Variants in KIZ observed in about 807,000 individuals in gnomAD.
KIZ encodes the protein centrosomal protein kizuna.
Under a neutral mutation model 79.6 loss-of-function variants are expected in KIZ, and 68 were observed. The observed-to-expected ratio is 0.85, with a 90% CI of 0.70 to 1.05. KIZ has a LOEUF of 1.05. KIZ is among the 50% of genes least tolerant of loss of function. The probability of loss-of-function intolerance (pLI) is 0.00; values close to 1 mark genes in which losing one functional copy is unlikely to be tolerated. For missense variants in KIZ, 797 were observed against 800.4 expected, an observed-to-expected ratio of 1.00 and a Z score of 0.05; for synonymous variants, 280 against 281.8, an observed-to-expected ratio of 0.99 and a Z score of 0.06.
chr20:21,170,988 G>C (rs534339548), intron 6 of KIZ, among the ~76,000 whole-genome samples: 1 of 152,158 alleles, frequency 6.6e-6, no homozygotes, highest in Non-Finnish European at 1.5e-5. Context: ...GTAAGTCTAT[G>C]GTTACCTTTG....
intron 7 of KIZ, among the ~76,000 whole-genome samples, chr20:21,206,254 C>T (rs1447925240): frequency 1.3e-5 from 2 of 152,152 alleles, no homozygotes; most frequent in Non-Finnish European, 2.9e-5. Context: ...AGCCCAGATC[C>T]GTTGGAGGGA....
chr20:21,213,304 C>T lies in KIZ; in HGVS notation c.1447-1231C>T, dbSNP rs117934640. On this transcript the variant is annotated intron_variant, in intron 7 of 12. Coordinates refer to ENST00000619189, the MANE Select transcript of KIZ (RefSeq NM_018474.6). ...GGGCCTTCCGACCGGACCTTCCATG[C>T]TCTGACTCTCCCTGTCGGAGTGTCT... Among the ~76,000 whole-genome samples, 114 of 152,368 alleles carry T rather than the reference C, an allele frequency of 7.5e-4. 2 individuals are homozygous for T. The East Asian group carries it at 0.021, about 28-fold the overall frequency.
intron 6 of KIZ, among the ~76,000 whole-genome samples, chr20:21,202,088 T>C (rs1463752983): frequency 1.3e-5 from 2 of 152,220 alleles, no homozygotes; most frequent in African/African-American, 2.4e-5. Flanking sequence ...AAACCTTAGC[T>C]AGTTTTTCAT....
chr20:21,168,465 C>T (rs2122766599), intron 6 of KIZ, among the ~76,000 whole-genome samples: 1 of 152,268 alleles, frequency 6.6e-6, no homozygotes, highest in African/African-American at 2.4e-5. Context: ...ATTCCATGCT[C>T]ATGGGTAGGA....
chr20:21,189,850 T>C (rs140904852), intron 6 of KIZ, among the ~76,000 whole-genome samples: 1 of 152,174 alleles, frequency 6.6e-6, no homozygotes, highest in Admixed American at 6.5e-5. Flanking sequence ...TGCTGGCCTT[T>C]GTGTTGCTGT....
At chr20:21,150,478 C>T (rs879327167) in intron 4 of KIZ, among the ~76,000 whole-genome samples, 2 of 152,228 alleles carry the variant, frequency 1.3e-5, no homozygotes, top group African/African-American at 2.4e-5. Flanking sequence ...TCACGGGGAA[C>T]GTGGCCCTCG....
chr20:21,157,100 A>C (rs900539275), intron 4 of KIZ, among the ~76,000 whole-genome samples: 2 of 152,150 alleles, frequency 1.3e-5, no homozygotes, highest in Non-Finnish European at 2.9e-5. Context: ...ATAAATAAAA[A>C]AAAAATTGTT....
chr20:21,131,169 TC>T, intron 1 of KIZ, among the ~76,000 whole-genome samples: 1 of 152,314 alleles, frequency 6.6e-6, no homozygotes, highest in South Asian at 2.1e-4. Flanking sequence ...ATCAGTTTTA[TC>T]CCCCAGCCCC....
intron 4 of KIZ, among the ~76,000 whole-genome samples, chr20:21,159,018 AT>A (rs60303309): frequency 0.58 from 86,022 of 147,652 alleles, 26,519 homozygotes; most frequent in South Asian, 0.78. Flanking sequence ...TATTATTATT[AT>A]TTTTTTTTAT....
intron 10 of KIZ, among the ~76,000 whole-genome samples, chr20:21,232,402 C>T (rs1185613886): frequency 6.6e-6 from 1 of 152,204 alleles, no homozygotes; most frequent in African/African-American, 2.4e-5. Context: ...TGTGTTATAA[C>T]AATGGGAATT....
At chr20:21,212,728 G>A (rs1009057637) in intron 7 of KIZ, among the ~76,000 whole-genome samples, 1 of 152,182 alleles carries the variant, frequency 6.6e-6, no homozygotes, top group Non-Finnish European at 1.5e-5. Context: ...CAGAACTGTT[G>A]GCAATGGCAG....
chr20:21,168,735 A>C (rs2034069700), intron 6 of KIZ, among the ~76,000 whole-genome samples: 1 of 152,184 alleles, frequency 6.6e-6, no homozygotes, highest in Admixed American at 6.5e-5. Flanking sequence ...CAAAACAGAG[A>C]TATAGACCAA....
At chr20:21,138,817 T>G (rs2032345158) in intron 3 of KIZ, 1 of 152,150 alleles carries the variant, frequency 6.6e-6, no homozygotes, top group Non-Finnish European at 1.5e-5. Context: ...AACCAGTTAT[T>G]TCTAGTGGAG....
rs377202862 is a variant in KIZ at position 21,173,199 on chromosome 20, A to G, written c.1352+10040A>G. On this transcript the variant is annotated intron_variant, in intron 6 of 12. Coordinates refer to ENST00000619189, the MANE Select transcript of KIZ (RefSeq NM_018474.6). ...TTGGATAATATAGCAGAGATCCTGC[A>G]GAGAGGTGCTGTTGCTTTGGACTGT... Among the ~76,000 whole-genome samples the G allele has an allele frequency of 1.3e-4, 20 of 152,320 alleles. 1 individual carries two copies. In the East Asian group the frequency reaches 2.9e-3, roughly 22 times the overall value.
chr20:21,157,131 A>T (rs2033424543), intron 4 of KIZ, among the ~76,000 whole-genome samples: 1 of 152,138 alleles, frequency 6.6e-6, no homozygotes, highest in South Asian at 2.1e-4. Context: ...CAAAATAAAA[A>T]GTTACTGGTT....
At position 21,161,985 on chromosome 20, in the gene KIZ, A is replaced by G. The variant is rs558190815; in HGVS notation, c.520A>G (p.Ser174Gly). The G allele has an allele frequency of 1.1e-5, 18 of 1,613,994 alleles. No homozygotes were observed. The East Asian group carries it at 3.8e-4, about 34-fold the overall frequency. ...AGCCATCTTAAGCATGAGAGATTTCAGTACAGAGCACAAATCTCCCCAGCC... is the reference window on the plus strand; with the variant it reads ...AGCCATCTTAAGCATGAGAGATTTCGGTACAGAGCACAAATCTCCCCAGCC... ...MSAILSMRDF[S>G]TEHKSPQPTK... is the part of the protein sequence containing the mutation. The change falls in exon 5 of 13, where the codon AGT (serine) becomes GGT (glycine). Residue 174 changes from serine to glycine, a missense_variant. Physicochemically the swap from Ser to Gly is moderately conservative, Grantham distance 56. Coordinates refer to ENST00000619189, the MANE Select transcript of KIZ (RefSeq NM_018474.6).
chr20:21,158,699 ATGG>A (rs2033505272), intron 4 of KIZ: 1 of 152,212 alleles, frequency 6.6e-6, no homozygotes, highest in Non-Finnish European at 1.5e-5. Context: ...CTAAAGGATC[ATGG>A]AGGTGGAACT....
At chr20:21,163,236 G>GGTCTC in intron 6 of KIZ, 77 bp downstream of exon 6, 1 of 974,522 alleles carries the variant, frequency 1.0e-6, no homozygotes, top group Non-Finnish European at 1.6e-6. Flanking sequence ...CACTGGGAAT[G>GGTCTC]TATTATCGAG....
At chr20:21,167,051 A>C (rs2033976581) in intron 6 of KIZ, among the ~76,000 whole-genome samples, 1 of 152,240 alleles carries the variant, frequency 6.6e-6, no homozygotes, top group African/African-American at 2.4e-5. Flanking sequence ...TTCTGCCAAT[A>C]ACCAGTGAGT....
Sources: gnomAD v4.1 joint callset for allele counts (sites outside exome capture counted in the v4.1 genomes callset) on GRCh38, gnomAD v4.1.1 for gene constraint, MANE v1.5 for transcripts, NCBI Gene and HGNC (gene_info 2026-07-23, HGNC 2026-07-21) for gene names.